The following RLF variants were observed in gnomAD, a reference collection of about 807,000 sequenced individuals.
RLF encodes the protein zinc finger protein Rlf.
A neutral mutation model predicts 162.9 loss-of-function variants in RLF; 7 were observed. The observed-to-expected ratio is 0.04, with a 90% CI of 0.02 to 0.08. The LOEUF (loss-of-function observed/expected upper bound fraction) is 0.08. Among genes scored for constraint, RLF ranks in the 10% least tolerant of loss-of-function variants. The pLI is 1.00. For missense variants in RLF, 1,664 were observed against 2,244.7 expected (o/e 0.74, Z 5.23); for synonymous variants, 782 against 791.5 (o/e 0.99, Z 0.20).
At chr1:40,181,430 AAAAAG>A (rs745549843) in intron 1 of RLF, among the ~76,000 whole-genome samples, 28 of 152,332 alleles carry the variant, frequency 1.8e-4, no homozygotes, top group South Asian at 4.1e-4. Context: ...ACTCCATCTC[AAAAAG>A]AAAAGAAAAG....
At chr1:40,176,433 T>C (rs1438412128) in intron 1 of RLF, among the ~76,000 whole-genome samples, 2 of 152,340 alleles carry the variant, frequency 1.3e-5, no homozygotes, top group Non-Finnish European at 2.9e-5. Flanking sequence ...GATTCTAATT[T>C]GCATTTCCCT....
At chr1:40,206,720 C>T (rs1472232575) in intron 5 of RLF, among the ~76,000 whole-genome samples, 1 of 152,216 alleles carries the variant, frequency 6.6e-6, no homozygotes, top group Non-Finnish European at 1.5e-5. Flanking sequence ...ATCTTAGTGC[C>T]CACTACTCTC....
Position 40,236,609 on chromosome 1 carries a change from T to C in RLF, c.1907T>C (p.Ile636Thr). Residue 636 changes from isoleucine to threonine, a missense_variant, in exon 8 of 8, where the codon ATC becomes ACC. Ile to Thr is a moderately conservative substitution (Grantham distance 89, BLOSUM62 -1). This residue lies in a region of RLF where 50 missense variants were observed against 46.7 expected (regional missense o/e 1.07). Transcript: ENST00000372771. This position sits in a 1 kb window ranked among gnomAD's most constrained non-coding sequence, Gnocchi z 7.7. ...KGICPKSPSA[I>T]PEQNHSLNDQ... ...ATTTGTCCTAAGAGCCCCTCTGCAA[T>C]CCCAGAGCAAAACCATTCATTGAAT... The C allele has an allele frequency of 6.2e-7, 1 of 1,614,118 alleles. No individual in the cohort carries two copies. The highest frequency in any genetic ancestry group is 8.5e-7 in the Non-Finnish European group (1 of 1,180,006).
At chr1:40,209,864 C>T (rs1310056092) in intron 5 of RLF, among the ~76,000 whole-genome samples, 1 of 144,206 alleles carries the variant, frequency 6.9e-6, no homozygotes, top group South Asian at 2.2e-4. Context: ...GGCGACAGGG[C>T]GAGACTCCGT....
At chr1:40,195,904 G>A (rs1642629349) in intron 4 of RLF, 140 bp downstream of exon 4, 2 of 706,586 alleles carry the variant, frequency 2.8e-6, no homozygotes, top group Non-Finnish European at 4.5e-6. Context: ...TTAACTATTA[G>A]CATTTAATGT....
intron 4 of RLF, among the ~76,000 whole-genome samples, chr1:40,198,794 T>G (rs1642672607): frequency 6.6e-6 from 1 of 152,212 alleles, no homozygotes; most frequent in South Asian, 2.1e-4. Flanking sequence ...AAAAATTTTG[T>G]ATTGAAATGT....
chr1:40,196,998 T>C (rs1454826557), intron 4 of RLF, among the ~76,000 whole-genome samples: 1 of 152,216 alleles, frequency 6.6e-6, no homozygotes, highest in Admixed American at 6.5e-5. Flanking sequence ...AAACAGACTT[T>C]AGAACAATTA....
intron 6 of RLF, among the ~76,000 whole-genome samples, chr1:40,224,935 C>T (rs1381573707): frequency 6.6e-6 from 1 of 151,360 alleles, no homozygotes; most frequent in Non-Finnish European, 1.5e-5. Context: ...TGCAGTGAGC[C>T]GAGGTCATGC....
In RLF at chr1:40,235,896, T is replaced by C. The variant is rs1318106879; in HGVS notation, c.1194T>C (p.Ile398=). The change falls in exon 8 of 8, where the codon ATT becomes ATC. Residue 398 remains isoleucine (I), a synonymous_variant. Transcript: ENST00000372771. ...EEMKASVCKT[I]ACLLPEDLEV... ...TGAAGGCATCAGTTTGTAAAACAAT[T>C]GCCTGTCTTTTACCAGAAGATTTAG... 1 of 1,613,928 alleles carries C rather than the reference T, an allele frequency of 6.2e-7. No homozygotes were observed. The highest frequency in any genetic ancestry group is 1.3e-5 in the African/African-American group (1 of 74,920).
chr1:40,219,014 A>G (rs1243175904), intron 5 of RLF, among the ~76,000 whole-genome samples: 1 of 152,190 alleles, frequency 6.6e-6, no homozygotes, highest in Non-Finnish European at 1.5e-5. Context: ...TTTCCTAGAT[A>G]CTCATTAAAA....
At chr1:40,173,242 AAT>A (rs1242108098) in intron 1 of RLF, among the ~76,000 whole-genome samples, 5 of 151,466 alleles carry the variant, frequency 3.3e-5, no homozygotes, top group Non-Finnish European at 5.9e-5. Context: ...ACGCCCAGAT[AAT>A]TTTGTATTTT....
chr1:40,162,284 G>A (rs1033756014), intron 1 of RLF, among the ~76,000 whole-genome samples: 17 of 151,864 alleles, frequency 1.1e-4, no homozygotes, highest in African/African-American at 4.1e-4. Flanking sequence ...AGTAGAAGAG[G>A]ATGGGAAGAG....
At chr1:40,170,445 G>C (rs1642227766) in intron 1 of RLF, among the ~76,000 whole-genome samples, 1 of 151,940 alleles carries the variant, frequency 6.6e-6, no homozygotes, top group Non-Finnish European at 1.5e-5. Context: ...GTATTTTGTA[G>C]AGATAGGGTT....
intron 5 of RLF, among the ~76,000 whole-genome samples, chr1:40,208,331 T>A (rs957408559): frequency 6.6e-6 from 1 of 152,234 alleles, no homozygotes; most frequent in African/African-American, 2.4e-5. Context: ...GCCTCATTAA[T>A]AAATGTTCTT....
chr1:40,237,750 A>G lies in RLF; in HGVS notation c.3048A>G (p.Ser1016=). ...TGGATGCAGAACCTAAACCCTGCTCAGATACAAACAGTGACTCCCCAGATG... is the reference window on the plus strand; with the variant it reads ...TGGATGCAGAACCTAAACCCTGCTCGGATACAAACAGTGACTCCCCAGATG... ...EKLDAEPKPC[S]DTNSDSPDEG... is the part of the protein sequence containing the mutation. Residue 1016 remains serine, a synonymous_variant, in exon 8 of 8, where the codon TCA becomes TCG. Transcript: ENST00000372771. The surrounding 1 kb of genome is among the most constrained non-coding windows in gnomAD (Gnocchi z 4.4). The G allele has an allele frequency of 6.2e-7, 1 of 1,614,108 alleles. No individual in the cohort carries two copies. The highest frequency in any genetic ancestry group is 8.5e-7 in the Non-Finnish European group (1 of 1,179,990).
intron 7 of RLF, among the ~76,000 whole-genome samples, chr1:40,234,994 G>A (rs1570566074): frequency 6.6e-6 from 1 of 151,586 alleles, no homozygotes; most frequent in East Asian, 1.9e-4. Context: ...GGAGGAAATG[G>A]AAAGGATCAT....
At chr1:40,233,562 A>G (rs1389251184) in intron 7 of RLF, among the ~76,000 whole-genome samples, 2 of 152,226 alleles carry the variant, frequency 1.3e-5, no homozygotes, top group African/African-American at 4.8e-5. Context: ...CCCATGGTCT[A>G]GTCCTGTGGA....
intron 1 of RLF, among the ~76,000 whole-genome samples, chr1:40,175,906 C>T (rs1642318963): frequency 6.6e-6 from 1 of 151,970 alleles, no homozygotes; most frequent in South Asian, 2.1e-4. Context: ...TTTGTATTCC[C>T]TTTCTTACCC....
At chr1:40,221,542 C>T (rs1642993862) in intron 5 of RLF, among the ~76,000 whole-genome samples, 1 of 151,902 alleles carries the variant, frequency 6.6e-6, no homozygotes, top group Admixed American at 6.6e-5. Context: ...AGCCTTAGAA[C>T]CACCCCCTTG....
Sources: allele counts gnomAD v4.1 joint callset (sites outside exome capture counted in the v4.1 genomes callset), GRCh38; gene constraint gnomAD v4.1.1; regional missense constraint gnomAD v4.1.1; non-coding constraint Gnocchi (gnomAD v3.1); transcripts MANE v1.5; gene names NCBI Gene and HGNC (gene_info 2026-07-23, HGNC 2026-07-21).